Variants in USP49 observed in about 807,000 individuals in gnomAD.
USP49 encodes ubiquitin specific peptidase 49.
USP49 carries 24 observed loss-of-function variants against 58.6 expected under a neutral mutation model. The ratio of observed to expected loss-of-function variants is 0.41; its 90% confidence interval spans 0.30 to 0.58. The LOEUF (loss-of-function observed/expected upper bound fraction) is 0.58, where lower values mean the gene tolerates loss of function less well. USP49 is among the 20% of genes least tolerant of loss of function. USP49 has a pLI of 0.30. For synonymous variants in USP49, 408 were observed against 365.1 expected (o/e 1.12, Z -1.34); for missense variants, 703 against 866.1 (o/e 0.81, Z 2.36).
At chr6:41,844,900 T>G (rs1302934059) in intron 3 of USP49, among the ~76,000 whole-genome samples, 4 of 152,088 alleles carry the variant, frequency 2.6e-5, no homozygotes. Flanking sequence ...TTGTTTGTTT[T>G]GGTTTTGTTT....
intron 3 of USP49, among the ~76,000 whole-genome samples, chr6:41,851,124 A>G (rs1353461536): frequency 7.2e-5 from 11 of 152,226 alleles, no homozygotes; most frequent in Admixed American, 3.3e-4. Context: ...AGGAGGGAAC[A>G]CTTCCAAGCT....
chr6:41,848,583 G>A (rs1032026102), intron 3 of USP49, among the ~76,000 whole-genome samples: 3 of 151,974 alleles, frequency 2.0e-5, no homozygotes, highest in African/African-American at 7.2e-5. Context: ...CCCTGGCCGG[G>A]TGCAGTGGCT....
At chr6:41,818,363 A>G (rs762365096) in intron 3 of USP49, among the ~76,000 whole-genome samples, 19 of 152,144 alleles carry the variant, frequency 1.2e-4, no homozygotes, top group Non-Finnish European at 1.9e-4. Context: ...ACACATGCGC[A>G]CACACACATG....
chr6:41,803,882 C>T lies in USP49; in HGVS notation c.1485G>A (p.Leu495=). 2 of 1,614,198 alleles carry T rather than the reference C, an allele frequency of 1.2e-6. No individual in the cohort carries two copies. The highest frequency in any genetic ancestry group is 1.7e-6 in the Non-Finnish European group (2 of 1,180,038). ...TGAATTTGGCCAGCATCTCAGTGAG[C>T]AAGCACTCTGTTTGATTCAAAGGGA... ...GFVPLNQTEC[L]LTEMLAKFTE... Residue 495 remains leucine (L), a synonymous_variant, in exon 5 of 8, where the codon TTG becomes TTA. Coordinates refer to ENST00000682992, the MANE Select transcript of USP49 (RefSeq NM_001286554.2). This position sits in a 1 kb window ranked among gnomAD's most constrained non-coding sequence, Gnocchi z 4.1.
At chr6:41,827,160 G>A (rs1336914535) in intron 3 of USP49, among the ~76,000 whole-genome samples, 1 of 152,170 alleles carries the variant, frequency 6.6e-6, no homozygotes, top group African/African-American at 2.4e-5. Context: ...CTCCAATGAT[G>A]TTGATCATAT....
At chr6:41,802,424 TTTA>T (rs1268178830) in intron 5 of USP49, among the ~76,000 whole-genome samples, 1 of 115,758 alleles carries the variant, frequency 8.6e-6, no homozygotes, top group African/African-American at 3.1e-5. Context: ...TTTATTTTAT[TTTA>T]TTTTATTTAT....
At chr6:41,848,535 T>TA (rs756779016) in intron 3 of USP49, among the ~76,000 whole-genome samples, 1 of 152,020 alleles carries the variant, frequency 6.6e-6, no homozygotes, top group East Asian at 1.9e-4. Context: ...TCTGGCTAAT[T>TA]AAAAATATAT....
intron 3 of USP49, among the ~76,000 whole-genome samples, chr6:41,839,359 T>C (rs1353802068): frequency 7.6e-6 from 1 of 132,328 alleles, no homozygotes; most frequent in Admixed American, 9.0e-5. Context: ...TGAGCAAGAT[T>C]GTGCCACTGC....
chr6:41,874,277 C>G (rs1257492441), intron 2 of USP49: 1 of 152,174 alleles, frequency 6.6e-6, no homozygotes, highest in South Asian at 2.1e-4. Context: ...AGTAAAACAC[C>G]AGTGCACTGC....
At chr6:41,800,884 T>C (rs1365385844) in intron 5 of USP49, among the ~76,000 whole-genome samples, 1 of 152,258 alleles carries the variant, frequency 6.6e-6, no homozygotes, top group African/African-American at 2.4e-5. Context: ...TTGAAACATA[T>C]TTCCTAGATA....
rs868215040 is a variant in USP49, at chr6:41,856,574, G to A, written c.-29+14990C>T. On this transcript the variant is annotated intron_variant, in intron 3 of 7. Coordinates refer to ENST00000682992, the MANE Select transcript of USP49 (RefSeq NM_001286554.2). ...ACTTCAAATGATACAGCACTACTGG[G>A]GACTCAGAGAAATCACAGAGGCAGA... 8.5e-5 allele frequency among the ~76,000 whole-genome samples: 13 copies of A among 152,212 alleles called. No homozygotes were observed. The South Asian group carries it at 2.3e-3, about 27-fold the overall frequency.
chr6:41,806,523 G>C lies in USP49; in HGVS notation c.461C>G (p.Thr154Arg). ...WYRRQRLLARTLRLWFEKSSR... is the reference protein window; with the variant it reads ...WYRRQRLLARRLRLWFEKSSR... ...GCTCTTCTCGAACCACAGCCGCAGC[G>C]TCCTGGCCAGCAGGCGCTGACGCCG... The change falls in exon 4 of 8, where the codon ACG (threonine) becomes AGG (arginine). Residue 154 changes from threonine to arginine, a missense_variant. Around this residue, in one of 6 missense-constraint regions of USP49, gnomAD observed 376 missense variants for 373.5 expected, o/e 1.01. Transcript: ENST00000682992. The surrounding 1 kb of genome is among the most constrained non-coding windows in gnomAD (Gnocchi z 5.9). 1 of 1,599,614 alleles carries C rather than the reference G, an allele frequency of 6.3e-7. No homozygotes were observed. Among genetic ancestry groups the C allele is most frequent in the Non-Finnish European group, 8.5e-7 (1 of 1,179,348 alleles).
chr6:41,799,843 G>A lies in USP49; in HGVS notation c.1657C>T (p.Leu553Phe), dbSNP rs765804728. The A allele has an allele frequency of 2.5e-6, 4 of 1,613,918 alleles. No homozygotes were observed. In the East Asian group the frequency reaches 8.9e-5, roughly 36 times the overall value. ...YRLPQVLRLH[L>F]KRFRWSGRNH... ...CAGCAAGCTCACCTGAATCTTTTAAGGTGCAGCCGGAGAACCTGAGGTAGT... is the reference window on the plus strand; with the variant it reads ...CAGCAAGCTCACCTGAATCTTTTAAAGTGCAGCCGGAGAACCTGAGGTAGT... Residue 553 changes from leucine (L) to phenylalanine (F), a missense_variant, in exon 6 of 8, where the codon CTT becomes TTT. Leu to Phe is a conservative substitution (Grantham distance 22, BLOSUM62 0). This residue lies in a region of USP49 where 158 missense variants were observed against 241.2 expected (regional missense o/e 0.66). Coordinates refer to ENST00000682992, the MANE Select transcript of USP49 (RefSeq NM_001286554.2).
intron 3 of USP49, among the ~76,000 whole-genome samples, chr6:41,827,658 C>A: frequency 8.4e-6 from 1 of 118,772 alleles, no homozygotes; most frequent in East Asian, 2.3e-4. Context: ...AGGGGCAATA[C>A]AGCAAGACTC....
At chr6:41,888,408 A>G (rs553956130) in intron 2 of USP49, among the ~76,000 whole-genome samples, 21 of 152,096 alleles carry the variant, frequency 1.4e-4, no homozygotes, top group African/African-American at 4.8e-4. Context: ...AATTGCTTAA[A>G]GAGTGGGGAA....
At position 41,812,681 on chromosome 6, in the gene USP49, C is replaced by T. The variant is rs909780447; in HGVS notation, c.-28-5670G>A. 3.3e-5 allele frequency among the ~76,000 whole-genome samples: 5 copies of T among 151,882 alleles called. No homozygotes were observed. In the East Asian group the frequency reaches 7.8e-4, roughly 24 times the overall value. On this transcript the variant is annotated intron_variant, in intron 3 of 7. Coordinates refer to ENST00000682992, the MANE Select transcript of USP49 (RefSeq NM_001286554.2). ...GCACTCCAGTCTCTGGGCGACAGAG[C>T]GAGACTCCGTCTCAAAAAAAACTTT...
chr6:41,820,688 A>G (rs572582271), intron 3 of USP49, among the ~76,000 whole-genome samples: 29 of 152,248 alleles, frequency 1.9e-4, no homozygotes, highest in African/African-American at 6.3e-4. Context: ...ATTTTGGGGT[A>G]TGCTTGAAAT....
chr6:41,859,862 A>T (rs1774190511), intron 3 of USP49, among the ~76,000 whole-genome samples: 1 of 152,240 alleles, frequency 6.6e-6, no homozygotes, highest in Non-Finnish European at 1.5e-5. Flanking sequence ...TTGCAGTAAA[A>T]TAAACTAGAA....
At position 41,803,902 on chromosome 6, in the gene USP49, A is replaced by G. The variant is rs1283781945; in HGVS notation, c.1465T>C (p.Leu489=). ...GTGAGCAAGCACTCTGTTTGATTCA[A>G]AGGGACAAACCCCTTTTCTATGCAG... ...YHCIEKGFVP[L]NQTECLLTEM... is the part of the protein sequence containing the mutation. The change falls in exon 5 of 8, where the codon TTG becomes CTG. Residue 489 remains leucine (L), a synonymous_variant. Transcript: ENST00000682992. The surrounding 1 kb of genome is among the most constrained non-coding windows in gnomAD (Gnocchi z 4.1). 1.2e-6 allele frequency: 2 copies of G among 1,614,206 alleles called. No individual in the cohort carries two copies. Among genetic ancestry groups the G allele is most frequent in the Non-Finnish European group, 8.5e-7 (1 of 1,180,048 alleles).
Sources: allele counts gnomAD v4.1 joint callset (sites outside exome capture counted in the v4.1 genomes callset), GRCh38; gene constraint gnomAD v4.1.1; regional missense constraint gnomAD v4.1.1; non-coding constraint Gnocchi (gnomAD v3.1); transcripts MANE v1.5; gene names NCBI Gene and HGNC (gene_info 2026-07-23, HGNC 2026-07-21).